Variants in AP2A1 observed in about 807,000 individuals in gnomAD.
AP2A1 encodes adaptor related protein complex 2 subunit alpha 1.
In AP2A1, 21 loss-of-function variants were observed where a neutral mutation model predicts 107.3. That is an observed-to-expected ratio of 0.20 (90% CI 0.14 to 0.28). The LOEUF is 0.28. Among genes scored for constraint, AP2A1 ranks in the 10% least tolerant of loss-of-function variants. The pLI is 1.00. For synonymous variants in AP2A1, 602 were observed against 564.8 expected (o/e 1.07, Z -0.93); for missense variants, 873 against 1,307.7 (o/e 0.67, Z 5.13).
intron 6 of AP2A1, 48 bp from the exon 7 acceptor site, chr19:49,795,582 G>GCGCCC: frequency 4.3e-6 from 3 of 692,054 alleles, no homozygotes; most frequent in East Asian, 2.9e-5. Flanking sequence ...GGACCCACGT[G>GCGCCC]CCCCTCCCAC....
At chr19:49,781,519 A>G (rs1377480179) in intron 1 of AP2A1, among the ~76,000 whole-genome samples, 1 of 151,952 alleles carries the variant, frequency 6.6e-6, no homozygotes, top group East Asian at 1.9e-4. Context: ...GAGGAAGGAG[A>G]GAGGAAGTCA....
chr19:49,767,983 G>A (rs145727180), intron 1 of AP2A1, among the ~76,000 whole-genome samples: 14 of 152,070 alleles, frequency 9.2e-5, no homozygotes, highest in Non-Finnish European at 1.6e-4. Context: ...GGAACGGGGG[G>A]CCAGGAAAGA....
chr19:49,800,327 C>T (rs535431400), intron 11 of AP2A1, among the ~76,000 whole-genome samples, 177 bp downstream of exon 11: 2 of 152,354 alleles, frequency 1.3e-5, no homozygotes, highest in Non-Finnish European at 2.9e-5. Flanking sequence ...GGGCTATGGT[C>T]TCATGGGCCT....
chr19:49,778,318 T>C (rs1359605776), intron 1 of AP2A1, among the ~76,000 whole-genome samples: 1 of 151,972 alleles, frequency 6.6e-6, no homozygotes, highest in Non-Finnish European at 1.5e-5. Flanking sequence ...CGTGGTGGCT[T>C]ACACCTGTAA....
At chr19:49,805,980 T>C in intron 21 of AP2A1, 39 bp downstream of exon 21, 3 of 1,613,352 alleles carry the variant, frequency 1.9e-6, no homozygotes, top group Non-Finnish European at 2.5e-6. Flanking sequence ...CTATGGCTGC[T>C]TTGCTTCTCT....
At chr19:49,790,695 C>G (rs1178831844) in intron 4 of AP2A1, among the ~76,000 whole-genome samples, 6 of 152,214 alleles carry the variant, frequency 3.9e-5, no homozygotes, top group Non-Finnish European at 7.3e-5. Context: ...CCACCCTAAC[C>G]CCCAGAACCT....
chr19:49,783,083 A>G (rs113351684), intron 4 of AP2A1, among the ~76,000 whole-genome samples: 353 of 152,332 alleles, frequency 2.3e-3, no homozygotes, highest in Non-Finnish European at 3.6e-3. Context: ...ACTATGTGCC[A>G]GGCACTGTGC....
intron 22 of AP2A1, 108 bp downstream of exon 22, chr19:49,806,361 T>TG (rs2123773486): frequency 2.8e-4 from 182 of 646,014 alleles, no homozygotes; most frequent in South Asian, 4.4e-4. Context: ...ACTTTGACCC[T>TG]CCTCCTCTCA....
At chr19:49,771,848 T>C (rs1296793428) in intron 1 of AP2A1, among the ~76,000 whole-genome samples, 5 of 151,972 alleles carry the variant, frequency 3.3e-5, no homozygotes, top group African/African-American at 1.2e-4. Flanking sequence ...AAGAGACCTT[T>C]GGAGCTGTGT....
At position 49,792,069 on chromosome 19, in the gene AP2A1, G is replaced by A. The variant is rs1449840451; in HGVS notation, c.603+5G>A. The stretch of plus-strand genomic sequence containing the variant: ...CTGCTCAATGACCAGCACATGGTGA[G>A]CCCCCAGCCCTCACACCCCCGGATA... On this transcript the variant is annotated splice_donor_5th_base_variant and intron_variant, in intron 5 of 22. Coordinates refer to ENST00000354293, the MANE Select transcript of AP2A1 (RefSeq NM_130787.3). 1.2e-6 allele frequency: 2 copies of A among 1,610,958 alleles called. No individual in the cohort carries two copies. The highest frequency in any genetic ancestry group is 1.7e-6 in the Non-Finnish European group (2 of 1,179,194).
intron 6 of AP2A1, among the ~76,000 whole-genome samples, chr19:49,794,963 A>G (rs761675902): frequency 3.9e-5 from 6 of 152,182 alleles, no homozygotes; most frequent in East Asian, 1.9e-4. Flanking sequence ...GCACCTGGCC[A>G]TGATCTTTCA....
At chr19:49,795,304 T>C (rs1443857113) in intron 6 of AP2A1, among the ~76,000 whole-genome samples, 1 of 152,180 alleles carries the variant, frequency 6.6e-6, no homozygotes, top group Non-Finnish European at 1.5e-5. Flanking sequence ...TTTGCCCCCA[T>C]TCAGTGTGCC....
rs34708773 is a variant in AP2A1 at position 49,792,640 on chromosome 19, C to G, written c.604-351C>G. Among the ~76,000 whole-genome samples, 1,417 of 152,190 alleles carry G rather than the reference C, an allele frequency of 9.3e-3. 10 individuals are homozygous for G. Among genetic ancestry groups the G allele is most frequent in the Non-Finnish European group, 0.015 (987 of 67,976 alleles). The stretch of plus-strand genomic sequence containing the variant: ...GAAAATCCCACTCTGTTTCTAATAC[C>G]TGGAGATTCCCCCAACAGCGCCCAT... On this transcript the variant is annotated intron_variant, in intron 5 of 22. Coordinates refer to ENST00000354293, the MANE Select transcript of AP2A1 (RefSeq NM_130787.3).
At chr19:49,772,477 C>A (rs1448669571) in intron 1 of AP2A1, among the ~76,000 whole-genome samples, 1 of 147,992 alleles carries the variant, frequency 6.8e-6, no homozygotes, top group African/African-American at 2.5e-5. Flanking sequence ...AGTGCCTGGC[C>A]CCCTTCTCTA....
chr19:49,805,555 C>T lies in AP2A1; in HGVS notation c.2447C>T (p.Pro816Leu), dbSNP rs767484979. ...IECLRDFLTP[P>L]LLSVRFRYGG... ...TGCCTGCGGGACTTCCTGACGCCCC[C>T]GCTGCTGTCCGTGCGCTTCCGGTGA... The change falls in exon 19 of 23, where the codon CCG becomes CTG. Residue 816 changes from proline to leucine, a missense_variant. Physicochemically the swap from Pro to Leu is moderately conservative, Grantham distance 98. Around this residue, in one of 4 missense-constraint regions of AP2A1, gnomAD observed 416 missense variants for 473.4 expected, o/e 0.88. Coordinates refer to ENST00000354293, the MANE Select transcript of AP2A1 (RefSeq NM_130787.3). 1.9e-6 allele frequency: 3 copies of T among 1,577,110 alleles called. No homozygotes were observed. Among genetic ancestry groups the T allele is most frequent in the Admixed American group, 1.8e-5 (1 of 54,776 alleles).
intron 1 of AP2A1, among the ~76,000 whole-genome samples, chr19:49,781,409 T>A (rs1036360016): frequency 1.3e-5 from 2 of 152,050 alleles, no homozygotes; most frequent in Non-Finnish European, 1.5e-5. Flanking sequence ...ATTCATTCAT[T>A]CATCACATGT....
chr19:49,773,034 G>A (rs979464947), intron 1 of AP2A1, among the ~76,000 whole-genome samples: 2 of 152,044 alleles, frequency 1.3e-5, no homozygotes, highest in Non-Finnish European at 2.9e-5. Context: ...GAGCAGCAGA[G>A]GGAAGAGTGT....
At chr19:49,767,237 G>GC (rs1399173861) in intron 1 of AP2A1, 37 bp downstream of exon 1, 12 of 1,606,340 alleles carry the variant, frequency 7.5e-6, no homozygotes, top group Admixed American at 1.7e-5. Flanking sequence ...AGACGCGGGG[G>GC]AGGGGGGAGC....
intron 1 of AP2A1, among the ~76,000 whole-genome samples, chr19:49,769,224 C>T (rs1051067028): frequency 6.6e-6 from 1 of 151,296 alleles, no homozygotes; most frequent in Admixed American, 6.6e-5. Flanking sequence ...GCACTCCAGG[C>T]TGGGCAACAA....
Sources: allele counts gnomAD v4.1 joint callset (sites outside exome capture counted in the v4.1 genomes callset), GRCh38; gene constraint gnomAD v4.1.1; regional missense constraint gnomAD v4.1.1; transcripts MANE v1.5; gene names NCBI Gene and HGNC (gene_info 2026-07-23, HGNC 2026-07-21).